Variants in MACROD2 observed in about 807,000 individuals in gnomAD.
MACROD2 encodes the protein mono-ADP ribosylhydrolase 2, also known as ADP-ribose glycohydrolase MACROD2.
In MACROD2, 36 loss-of-function variants were observed where a neutral mutation model predicts 70.4. The ratio of observed to expected loss-of-function variants is 0.51; its 90% CI spans 0.39 to 0.68. MACROD2 has a LOEUF of 0.68. Ranked by LOEUF, MACROD2 falls within the 30% of genes least tolerant of loss-of-function variation. The pLI, the probability that MACROD2 is intolerant of heterozygous loss-of-function variation, is 0.00. For missense variants in MACROD2, 496 were observed against 538.4 expected (o/e 0.92, Z 0.78); for synonymous variants, 172 against 178.8 (o/e 0.96, Z 0.30).
intron 4 of MACROD2, among the ~76,000 whole-genome samples, chr20:14,645,521 A>C (rs1173696631): frequency 6.6e-6 from 1 of 151,984 alleles, no homozygotes; most frequent in African/African-American, 2.4e-5. Context: ...GGTGTGCTTA[A>C]TTTATAATCT....
At chr20:14,321,876 T>G (rs910707952) in intron 3 of MACROD2, among the ~76,000 whole-genome samples, 2 of 152,142 alleles carry the variant, frequency 1.3e-5, no homozygotes, top group Non-Finnish European at 2.9e-5. Context: ...AGTGCAGTGA[T>G]TAAATGCAGT....
chr20:15,270,407 G>T lies in MACROD2; in HGVS notation c.540+40346G>T, dbSNP rs186096478. On this transcript the variant is annotated intron_variant, in intron 6 of 17. Transcript: ENST00000684519. ...GCCGTTGATATAATATTAACAAAAA[G>T]ACAGAAATATAATAATGGAGAACAG... 2.8e-4 allele frequency among the ~76,000 whole-genome samples: 42 copies of T among 152,232 alleles called. No homozygotes were observed. In the East Asian group the frequency reaches 6.4e-3, roughly 23 times the overall value.
chr20:15,072,634 C>G (rs11908689), intron 5 of MACROD2, among the ~76,000 whole-genome samples: 3,557 of 152,160 alleles, frequency 0.023, 164 homozygotes, highest in African/African-American at 0.082. Flanking sequence ...TACTTCCAGT[C>G]TAGCAGCTTT....
chr20:15,812,104 CT>C (rs774605246), intron 8 of MACROD2, among the ~76,000 whole-genome samples: 10 of 152,220 alleles, frequency 6.6e-5, no homozygotes, highest in Non-Finnish European at 1.2e-4. Context: ...TGCATGTCAG[CT>C]TGCTTACTCC....
At chr20:15,421,925 C>T (rs1435256599) in intron 6 of MACROD2, among the ~76,000 whole-genome samples, 1 of 152,104 alleles carries the variant, frequency 6.6e-6, no homozygotes, top group African/African-American at 2.4e-5. Context: ...AAGACCTCTT[C>T]GAGGAGGTGA....
chr20:15,582,216 G>C (rs1347112220), intron 8 of MACROD2, among the ~76,000 whole-genome samples: 5 of 152,084 alleles, frequency 3.3e-5, no homozygotes, highest in Admixed American at 3.3e-4. Context: ...CACCTCCTAG[G>C]GCCAGAGCCT....
intron 15 of MACROD2, among the ~76,000 whole-genome samples, chr20:16,028,803 A>G (rs901925491): frequency 1.3e-5 from 2 of 152,218 alleles, no homozygotes; most frequent in Non-Finnish European, 2.9e-5. Flanking sequence ...TCAGTGGTCA[A>G]GTAGCAGCTT....
intron 5 of MACROD2, among the ~76,000 whole-genome samples, chr20:14,755,160 T>C (rs2071923636): frequency 1.3e-5 from 2 of 152,058 alleles, no homozygotes. Flanking sequence ...GAGTGATGTG[T>C]GCTGGAGCCA....
chr20:14,227,607 C>T lies in MACROD2; in HGVS notation c.271+141879C>T, dbSNP rs1318014539. On this transcript the variant is annotated intron_variant, in intron 3 of 17. Transcript: ENST00000684519. The stretch of plus-strand genomic sequence containing the variant: ...TCTGAACATCAGAAGGAACAAACTC[C>T]GGACACGCTGCCTTTAAGAACTGTA... Among the ~76,000 whole-genome samples, 11 of 152,308 alleles carry T rather than the reference C, an allele frequency of 7.2e-5. No homozygotes were observed. In the East Asian group the frequency reaches 7.7e-4, roughly 11 times the overall value.
At chr20:14,563,165 G>A (rs1430400891) in intron 4 of MACROD2, among the ~76,000 whole-genome samples, 1 of 151,642 alleles carries the variant, frequency 6.6e-6, no homozygotes, top group African/African-American at 2.4e-5. Context: ...TCTTCCCCAG[G>A]TTGTTCCCTC....
At chr20:15,308,504 T>A (rs931803997) in intron 6 of MACROD2, among the ~76,000 whole-genome samples, 6 of 152,222 alleles carry the variant, frequency 3.9e-5, no homozygotes, top group Middle Eastern at 3.2e-3. Context: ...AACATACTGT[T>A]ACTTTAAATA....
chr20:15,483,206 G>A (rs929517485), intron 7 of MACROD2, among the ~76,000 whole-genome samples: 4 of 151,980 alleles, frequency 2.6e-5, no homozygotes, highest in Non-Finnish European at 5.9e-5. Context: ...TTAAATTTAG[G>A]ACTATTATTA....
At chr20:15,350,192 G>GT (rs1327147901) in intron 6 of MACROD2, among the ~76,000 whole-genome samples, 1 of 152,120 alleles carries the variant, frequency 6.6e-6, no homozygotes, top group East Asian at 1.9e-4. Flanking sequence ...TTTGGCATTT[G>GT]TTTTTTCGTC....
At chr20:15,674,791 C>G (rs1011247741) in intron 8 of MACROD2, among the ~76,000 whole-genome samples, 1 of 151,012 alleles carries the variant, frequency 6.6e-6, no homozygotes. Context: ...TATGAGGTAT[C>G]AGGGATAAAA....
At chr20:15,137,676 T>A (rs2076160394) in intron 5 of MACROD2, among the ~76,000 whole-genome samples, 1 of 151,646 alleles carries the variant, frequency 6.6e-6, no homozygotes, top group African/African-American at 2.4e-5. Context: ...AACCTGCACT[T>A]TGTGCACATG....
At chr20:15,588,711 A>G (rs1017816942) in intron 8 of MACROD2, among the ~76,000 whole-genome samples, 1 of 152,220 alleles carries the variant, frequency 6.6e-6, no homozygotes, top group Admixed American at 6.5e-5. Context: ...CTAAAACATA[A>G]CAAGAGTCAC....
At chr20:14,186,582 A>G (rs1165764639) in intron 3 of MACROD2, among the ~76,000 whole-genome samples, 1 of 152,184 alleles carries the variant, frequency 6.6e-6, no homozygotes, top group East Asian at 1.9e-4. Context: ...TTGACCCAGC[A>G]ATCCCATTAC....
Position 15,678,781 on chromosome 20 carries a change from G to A in MACROD2, c.645+178934G>A, listed in dbSNP as rs552768404. Among the ~76,000 whole-genome samples the A allele has an allele frequency of 1.5e-4, 20 of 137,132 alleles. No homozygotes were observed. In the East Asian group the frequency reaches 2.3e-3, roughly 16 times the overall value. 90.0% of individuals were successfully genotyped at this position (137,132 alleles called of 152,430 possible). ...GTATGGCAGGATGGGAGTGTAGTGG[G>A]CACAGTGGTGTGTTGGGAAACTGAT... On this transcript the variant is annotated intron_variant, in intron 8 of 17. Coordinates refer to ENST00000684519, the MANE Select transcript of MACROD2 (RefSeq NM_001351661.2).
At chr20:14,832,018 C>T (rs2072974375) in intron 5 of MACROD2, among the ~76,000 whole-genome samples, 1 of 135,018 alleles carries the variant, frequency 7.4e-6, no homozygotes, top group African/African-American at 2.8e-5. Context: ...CGCACCTCGA[C>T]TTCATGCCTT....
Sources: gnomAD v4.1 joint callset for allele counts (sites outside exome capture counted in the v4.1 genomes callset) on GRCh38, gnomAD v4.1.1 for gene constraint, MANE v1.5 for transcripts, NCBI Gene and HGNC (gene_info 2026-07-23, HGNC 2026-07-21) for gene names.